Variants in DGKI observed in about 807,000 individuals in gnomAD.
DGKI encodes DAG kinase iota.
DGKI carries 55 observed loss-of-function variants against 147.5 expected under a neutral mutation model. The ratio of observed to expected loss-of-function variants is 0.37; its 90% confidence interval spans 0.30 to 0.47. The LOEUF is 0.47. Among genes scored for constraint, DGKI ranks in the 20% least tolerant of loss-of-function variants. The probability of loss-of-function intolerance (pLI) is 1.00; values close to 1 mark genes in which losing one functional copy is unlikely to be tolerated. For synonymous variants in DGKI, 469 were observed against 477.1 expected (o/e 0.98, Z 0.22); for missense variants, 1,007 against 1,323.8 (o/e 0.76, Z 3.71).
At chr7:137,755,510 C>T (rs1161358208) in intron 1 of DGKI, among the ~76,000 whole-genome samples, 4 of 152,198 alleles carry the variant, frequency 2.6e-5, no homozygotes, top group Non-Finnish European at 1.5e-5. Context: ...TGGTCACTCA[C>T]ACGTGGAACA....
At chr7:137,534,014 G>T (rs1167832336) in intron 20 of DGKI, among the ~76,000 whole-genome samples, 2 of 151,994 alleles carry the variant, frequency 1.3e-5, no homozygotes, top group East Asian at 3.9e-4. Flanking sequence ...TTCATTTCAT[G>T]GAAGTGTTTC....
chr7:137,454,850 A>G (rs1814124534), intron 27 of DGKI: 1 of 152,252 alleles, frequency 6.6e-6, no homozygotes, highest in Admixed American at 6.5e-5. Context: ...CTGTTGAGAC[A>G]TAATCCATCT....
At chr7:137,777,128 G>A (rs957455707) in intron 1 of DGKI, among the ~76,000 whole-genome samples, 1 of 152,124 alleles carries the variant, frequency 6.6e-6, no homozygotes, top group African/African-American at 2.4e-5. Flanking sequence ...GGAGTTTGAG[G>A]CTGCAGTGAA....
Position 137,846,770 on chromosome 7 carries a change from G to A in DGKI, c.93C>T (p.Ala31=), listed in dbSNP as rs1798753176. 4.9e-6 allele frequency: 5 copies of A among 1,030,648 alleles called. No individual in the cohort carries two copies. The highest frequency in any genetic ancestry group is 5.8e-6 in the Non-Finnish European group (5 of 862,014). 63.8% of individuals were successfully genotyped at this position (1,030,648 alleles called of 1,614,324 possible). Residue 31 remains alanine (A), a synonymous_variant, in exon 1 of 33, where the codon GCC becomes GCT. Transcript: ENST00000614521. This position sits in a 1 kb window ranked among gnomAD's most constrained non-coding sequence, Gnocchi z 4.0. ...RAPAAAAAAA[A]SPPGPCSGAA... is the part of the protein sequence containing the mutation. ...CGCCGCTGCAGGGGCCGGGCGGGCT[G>A]GCGGCGGCGGCGGCGGCGGCTGCAG...
chr7:137,770,458 C>T (rs964056809), intron 1 of DGKI, among the ~76,000 whole-genome samples: 1 of 151,866 alleles, frequency 6.6e-6, no homozygotes, highest in Middle Eastern at 3.4e-3. Context: ...ATTCTACACA[C>T]ATATCCCAAA....
chr7:137,445,302 G>A (rs1393273991), intron 27 of DGKI, among the ~76,000 whole-genome samples: 1 of 152,170 alleles, frequency 6.6e-6, no homozygotes, highest in East Asian at 1.9e-4. Context: ...GAGTGGCAAA[G>A]TATCAATTTA....
chr7:137,422,443 TA>T (rs1451389181), intron 28 of DGKI, among the ~76,000 whole-genome samples: 1 of 152,134 alleles, frequency 6.6e-6, no homozygotes, highest in Non-Finnish European at 1.5e-5. Context: ...TAAAGTAATA[TA>T]CAGCTATTCC....
chr7:137,783,930 G>C (rs1585487240), intron 1 of DGKI, among the ~76,000 whole-genome samples: 1 of 152,162 alleles, frequency 6.6e-6, no homozygotes, highest in African/African-American at 2.4e-5. Context: ...CAAATGCTGA[G>C]AGAATTTGCC....
intron 27 of DGKI, among the ~76,000 whole-genome samples, chr7:137,454,550 G>T (rs930978068): frequency 1.3e-5 from 2 of 152,092 alleles, no homozygotes; most frequent in African/African-American, 4.8e-5. Context: ...TTATCCTGAC[G>T]ATGTAGCCAT....
intron 21 of DGKI, among the ~76,000 whole-genome samples, chr7:137,520,373 T>A (rs936337481): frequency 1.3e-5 from 2 of 152,124 alleles, no homozygotes; most frequent in African/African-American, 4.8e-5. Flanking sequence ...CTCAATTTAA[T>A]TTGCATTGTA....
intron 1 of DGKI, among the ~76,000 whole-genome samples, chr7:137,693,172 T>C (rs776429817): frequency 1.3e-5 from 2 of 152,114 alleles, no homozygotes; most frequent in Non-Finnish European, 2.9e-5. Context: ...AATTTAAGAG[T>C]CTAGTAGAAC....
At chr7:137,412,550 C>T (rs1812202563) in intron 28 of DGKI, among the ~76,000 whole-genome samples, 1 of 152,184 alleles carries the variant, frequency 6.6e-6, no homozygotes, top group Non-Finnish European at 1.5e-5. Flanking sequence ...TCAGTTTCCA[C>T]ATTTGTAAAA....
At chr7:137,477,050 T>C (rs945266021) in intron 23 of DGKI, among the ~76,000 whole-genome samples, 2 of 152,196 alleles carry the variant, frequency 1.3e-5, no homozygotes, top group African/African-American at 4.8e-5. Context: ...TCTACTCTAG[T>C]CAAGGATCTT....
intron 1 of DGKI, among the ~76,000 whole-genome samples, chr7:137,723,176 C>A (rs534998478): frequency 6.6e-6 from 1 of 152,262 alleles, no homozygotes; most frequent in South Asian, 2.1e-4. Flanking sequence ...TTCATGGAAC[C>A]CTTAGACAAG....
At chr7:137,544,993 G>A (rs561285869) in intron 20 of DGKI, among the ~76,000 whole-genome samples, 78 of 152,258 alleles carry the variant, frequency 5.1e-4, no homozygotes, top group African/African-American at 1.8e-3. Context: ...AAATATACAG[G>A]ATCCTGACAG....
At chr7:137,432,229 T>A (rs2128911840) in intron 28 of DGKI, among the ~76,000 whole-genome samples, 1 of 152,260 alleles carries the variant, frequency 6.6e-6, no homozygotes, top group South Asian at 2.1e-4. Context: ...AATTACCCAG[T>A]CTCAGGTAAT....
chr7:137,603,542 G>A (rs780988008), intron 10 of DGKI, among the ~76,000 whole-genome samples: 5 of 152,166 alleles, frequency 3.3e-5, no homozygotes, highest in Admixed American at 1.3e-4. Context: ...TGTACCGTCG[G>A]GATCTCAGAA....
chr7:137,475,988 C>G (rs550297059), intron 23 of DGKI, among the ~76,000 whole-genome samples: 1 of 152,184 alleles, frequency 6.6e-6, no homozygotes, highest in Admixed American at 6.5e-5. Flanking sequence ...TAAGAAAGCC[C>G]TTTCCTTTCA....
At chr7:137,520,246 T>C (rs537932367) in intron 21 of DGKI, among the ~76,000 whole-genome samples, 8 of 152,094 alleles carry the variant, frequency 5.3e-5, no homozygotes, top group Non-Finnish European at 1.2e-4. Flanking sequence ...GATCGTAAGC[T>C]GCAAAATATT....
Sources: allele counts gnomAD v4.1 joint callset (sites outside exome capture counted in the v4.1 genomes callset), GRCh38; gene constraint gnomAD v4.1.1; non-coding constraint Gnocchi (gnomAD v3.1); transcripts MANE v1.5; gene names NCBI Gene and HGNC (gene_info 2026-07-23, HGNC 2026-07-21).